The following LRRTM4 variants were observed in gnomAD, a reference collection of about 807,000 sequenced individuals.
LRRTM4 encodes the protein leucine rich repeat transmembrane neuronal 4, also known as leucine-rich repeat transmembrane neuronal protein 4.
Under a neutral mutation model 47.6 loss-of-function variants are expected in LRRTM4, and 25 were observed. The ratio of observed to expected loss-of-function variants is 0.53; its 90% confidence interval spans 0.38 to 0.73. LRRTM4 has a LOEUF of 0.73. LRRTM4 is among the 30% of genes least tolerant of loss of function. The pLI, the probability that LRRTM4 is intolerant of heterozygous loss-of-function variation, is 0.00. For missense variants in LRRTM4, 638 were observed against 713.4 expected (o/e 0.89, Z 1.20); for synonymous variants, 311 against 269.5 (o/e 1.15, Z -1.51).
intron 3 of LRRTM4, among the ~76,000 whole-genome samples, chr2:76,834,346 C>T (rs905640006): frequency 1.3e-5 from 2 of 151,884 alleles, no homozygotes; most frequent in African/African-American, 2.4e-5. Context: ...CCACCATGCC[C>T]GGCCAGAGCA....
chr2:77,060,810 G>A (rs58500924), intron 3 of LRRTM4, among the ~76,000 whole-genome samples: 11,809 of 151,962 alleles, frequency 0.078, 652 homozygotes, highest in East Asian at 0.27. Flanking sequence ...TTTCTTAATG[G>A]GAGTGTTTTG....
intron 3 of LRRTM4, among the ~76,000 whole-genome samples, chr2:76,751,448 A>C (rs1315282717): frequency 6.6e-6 from 1 of 152,124 alleles, no homozygotes; most frequent in Admixed American, 6.6e-5. Flanking sequence ...AAAAATACAT[A>C]CTAGGTCAGA....
intron 3 of LRRTM4, among the ~76,000 whole-genome samples, chr2:77,152,996 C>G (rs1019602053): frequency 6.6e-6 from 1 of 152,094 alleles, no homozygotes; most frequent in Non-Finnish European, 1.5e-5. Flanking sequence ...CTATAATTAA[C>G]TATATTCACC....
chr2:77,190,290 TC>T (rs1365156963), intron 3 of LRRTM4, among the ~76,000 whole-genome samples: 2 of 116,312 alleles, frequency 1.7e-5, no homozygotes, highest in African/African-American at 7.5e-5. Context: ...AGCATTTTCA[TC>T]TTTTTTTTTT....
rs542075176 is a variant in LRRTM4 at position 77,141,428 on chromosome 2, A to G, written c.1551+376890T>C. Among the ~76,000 whole-genome samples the G allele has an allele frequency of 1.5e-3, 208 of 138,200 alleles. 1 individual carries two copies. The highest frequency in any genetic ancestry group is 7.6e-3 in the Middle Eastern group (2 of 264). The allele number at this position is 138,200 out of a possible 152,430, so 90.7% of individuals were successfully genotyped here. A position where few individuals can be genotyped will look rare whatever the true frequency, so the allele number is the denominator to read the frequency against. On this transcript the variant is annotated intron_variant, in intron 3 of 3. Coordinates refer to ENST00000409884, the MANE Select transcript of LRRTM4 (RefSeq NM_001134745.3). ...CAGGTGGGAATTGAACAATGAGAAC[A>G]CTTGGACACAGGAGGGGGAACATCA...
chr2:77,353,986 G>A lies in LRRTM4; in HGVS notation c.1551+164332C>T, dbSNP rs746554231. Among the ~76,000 whole-genome samples, 178 of 152,290 alleles carry A rather than the reference G, an allele frequency of 1.2e-3. 1 individual carries two copies. Among genetic ancestry groups the A allele is most frequent in the Non-Finnish European group, 1.9e-3 (129 of 68,030 alleles). On this transcript the variant is annotated intron_variant, in intron 3 of 3. Coordinates refer to ENST00000409884, the MANE Select transcript of LRRTM4 (RefSeq NM_001134745.3). ...GGCTATTCCGCAGGCAGTGTGCTGA[G>A]AGTAGCAACTCAGAGGCAGTTCTGT...
At chr2:77,462,846 C>A (rs1471319485) in intron 3 of LRRTM4, among the ~76,000 whole-genome samples, 1 of 151,668 alleles carries the variant, frequency 6.6e-6, no homozygotes, top group East Asian at 1.9e-4. Context: ...GAGACTAGGG[C>A]AACCCTCCTT....
intron 3 of LRRTM4, among the ~76,000 whole-genome samples, chr2:77,418,543 A>T (rs988770767): frequency 1.3e-5 from 2 of 152,114 alleles, no homozygotes; most frequent in Admixed American, 1.3e-4. Flanking sequence ...ATTTCCAGTG[A>T]TTCTCCACTG....
At chr2:77,152,380 G>C (rs1039849834) in intron 3 of LRRTM4, among the ~76,000 whole-genome samples, 1 of 151,938 alleles carries the variant, frequency 6.6e-6, no homozygotes, top group African/African-American at 2.4e-5. Context: ...CCAGGCTGTA[G>C]TGTCATGGCA....
rs1679366065 is a variant in LRRTM4, at chr2:77,519,122, T to C, written c.747A>G (p.Thr249=). 6.8e-6 allele frequency: 11 copies of C among 1,613,086 alleles called. No homozygotes were observed. The highest frequency in any genetic ancestry group is 8.5e-6 in the Non-Finnish European group (10 of 1,179,500). Residue 249 remains threonine (T), a synonymous_variant, in exon 3 of 4, where the codon ACA becomes ACG. Transcript: ENST00000409884. The surrounding 1 kb of genome is among the most constrained non-coding windows in gnomAD (Gnocchi z 4.6). The stretch of plus-strand genomic sequence containing the variant: ...AGTTGTGTAAGGAACTCCAAGTCCA[T>C]GTCAAACCTTGGCTAATGGAGCGAA... ...NRIRSISQGL[T]WTWSSLHNLD...
At chr2:77,090,012 C>T (rs1020853539) in intron 3 of LRRTM4, among the ~76,000 whole-genome samples, 2 of 152,096 alleles carry the variant, frequency 1.3e-5, no homozygotes, top group African/African-American at 4.8e-5. Flanking sequence ...TCTTTGTTAT[C>T]TTCCTTTTCT....
At chr2:76,786,154 A>T (rs1674658548) in intron 3 of LRRTM4, among the ~76,000 whole-genome samples, 1 of 152,150 alleles carries the variant, frequency 6.6e-6, no homozygotes, top group South Asian at 2.1e-4. Context: ...GAAAAGAAGT[A>T]CAAATTCTTT....
intron 3 of LRRTM4, among the ~76,000 whole-genome samples, chr2:77,352,112 T>C (rs1037975125): frequency 2.0e-5 from 3 of 152,196 alleles, no homozygotes; most frequent in Non-Finnish European, 4.4e-5. Context: ...GATTCTATTA[T>C]TATAGGACAA....
chr2:77,237,637 G>A (rs1014764970), intron 3 of LRRTM4, among the ~76,000 whole-genome samples: 1 of 151,932 alleles, frequency 6.6e-6, no homozygotes, highest in African/African-American at 2.4e-5. Context: ...CCACATATAG[G>A]TTCATCTCCG....
intron 3 of LRRTM4, among the ~76,000 whole-genome samples, chr2:76,758,172 C>G (rs1344155557): frequency 6.6e-6 from 1 of 152,130 alleles, no homozygotes; most frequent in African/African-American, 2.4e-5. Flanking sequence ...GATTTGCTTG[C>G]CTTTTGCAGA....
At chr2:76,851,853 G>C (rs556131711) in intron 3 of LRRTM4, among the ~76,000 whole-genome samples, 1 of 148,592 alleles carries the variant, frequency 6.7e-6, no homozygotes, top group African/African-American at 2.5e-5. Context: ...ATTAAACACA[G>C]GTTTTTGATC....
chr2:76,830,454 AT>A (rs1257944107), intron 3 of LRRTM4, among the ~76,000 whole-genome samples: 6 of 151,206 alleles, frequency 4.0e-5, no homozygotes, highest in African/African-American at 1.5e-4. Context: ...CTAGAAAGAC[AT>A]TTTATCCCTG....
chr2:77,053,798 G>T (rs1171521642), intron 3 of LRRTM4, among the ~76,000 whole-genome samples: 1 of 151,984 alleles, frequency 6.6e-6, no homozygotes, highest in Non-Finnish European at 1.5e-5. Context: ...AGCTAAAAGA[G>T]ATTTATATAA....
At chr2:77,157,621 A>T (rs1270746301) in intron 3 of LRRTM4, among the ~76,000 whole-genome samples, 1 of 152,156 alleles carries the variant, frequency 6.6e-6, no homozygotes, top group Non-Finnish European at 1.5e-5. Flanking sequence ...AGAAAGGAGT[A>T]ACATTCTGCA....
Sources: gnomAD v4.1 joint callset for allele counts (sites outside exome capture counted in the v4.1 genomes callset) on GRCh38, gnomAD v4.1.1 for gene constraint, Gnocchi (gnomAD v3.1) non-coding constraint, MANE v1.5 for transcripts, NCBI Gene and HGNC (gene_info 2026-07-23, HGNC 2026-07-21) for gene names.